Variants in PHC2 observed in about 807,000 individuals in gnomAD.
PHC2 encodes polyhomeotic-like protein 2.
A neutral mutation model predicts 87.4 loss-of-function variants in PHC2; 29 were observed. The ratio of observed to expected loss-of-function variants is 0.33; its 90% CI spans 0.25 to 0.45. The LOEUF is 0.45. Ranked by LOEUF, PHC2 falls within the 20% of genes least tolerant of loss-of-function variation. PHC2 has a pLI of 1.00. For missense variants in PHC2, 857 were observed against 1,136.7 expected (o/e 0.75, Z 3.54); for synonymous variants, 438 against 461.7 (o/e 0.95, Z 0.66).
intron 10 of PHC2, chr1:33,333,163 C>T (rs1570447216): frequency 6.6e-6 from 1 of 152,190 alleles, no homozygotes; most frequent in Non-Finnish European, 1.5e-5. Context: ...CTAAGGTGTT[C>T]CAGGCAGATT....
At chr1:33,326,738 G>A (rs959192663) in intron 14 of PHC2, among the ~76,000 whole-genome samples, 1 of 152,198 alleles carries the variant, frequency 6.6e-6, no homozygotes, top group Admixed American at 6.5e-5. Flanking sequence ...TGGATCGCCT[G>A]AGGTAAGGAG....
chr1:33,415,615 A>G (rs1650172800), intron 1 of PHC2, among the ~76,000 whole-genome samples: 1 of 152,260 alleles, frequency 6.6e-6, no homozygotes, highest in African/African-American at 2.4e-5. Context: ...TCCCCCATAA[A>G]AAATTACCAG....
At chr1:33,340,377 C>T (rs1478689482) in intron 9 of PHC2, among the ~76,000 whole-genome samples, 4 of 152,220 alleles carry the variant, frequency 2.6e-5, no homozygotes, top group Non-Finnish European at 5.9e-5. Flanking sequence ...GCCATGTGGC[C>T]AGGGTGGTCT....
intron 1 of PHC2, among the ~76,000 whole-genome samples, chr1:33,411,075 T>C (rs1444641158): frequency 2.0e-5 from 3 of 152,328 alleles, no homozygotes; most frequent in African/African-American, 7.2e-5. Context: ...TTTCGATAAT[T>C]ATATGTCTTA....
chr1:33,349,566 G>C lies in PHC2; in HGVS notation c.1558+4835C>G, dbSNP rs1238562177. 2.0e-6 allele frequency: 2 copies of C among 983,294 alleles called. No individual in the cohort carries two copies. Among genetic ancestry groups the C allele is most frequent in the Non-Finnish European group, 2.4e-6 (2 of 828,498 alleles). 60.9% of individuals were successfully genotyped at this position (983,294 alleles called of 1,614,324 possible). On this transcript the variant is annotated intron_variant, in intron 9 of 14. Coordinates refer to ENST00000683057, the MANE Select transcript of PHC2 (RefSeq NM_001385109.1). The surrounding 1 kb of genome is among the most constrained non-coding windows in gnomAD (Gnocchi z 4.2). ...AGCGCGGCCCCCGGCCTCCCTACTG[G>C]CGAGAACCCCTCCCCCGCCCCGGCA...
chr1:33,388,010 A>G (rs940938593), intron 1 of PHC2, among the ~76,000 whole-genome samples: 1 of 152,254 alleles, frequency 6.6e-6, no homozygotes, highest in Non-Finnish European at 1.5e-5. Context: ...TTATCTACAC[A>G]TAAGGTTGGT....
At position 33,375,504 on chromosome 1, in the gene PHC2, G is replaced by T; in HGVS notation, c.36C>A (p.Ser12Arg). ...TGGTACTGCTGGTGGCACAGGCACTGCTAGATGTATGTGGGACTGGCAGCT... is the reference window on the plus strand; with the variant it reads ...TGGTACTGCTGGTGGCACAGGCACTTCTAGATGTATGTGGGACTGGCAGCT... ...ENELPVPHTS[S>R]SACATSSTSG... The change falls in exon 2 of 15, where the codon AGC becomes AGA. Residue 12 changes from serine (S) to arginine (R), a missense_variant. Physicochemically the swap from Ser to Arg is moderately radical, Grantham distance 110 (BLOSUM62 -1). Around this residue, in one of 3 missense-constraint regions of PHC2, gnomAD observed 832 missense variants for 1,081.8 expected, o/e 0.77. Coordinates refer to ENST00000683057, the MANE Select transcript of PHC2 (RefSeq NM_001385109.1). The T allele has an allele frequency of 6.2e-7, 1 of 1,605,504 alleles. No individual in the cohort carries two copies. Among genetic ancestry groups the T allele is most frequent in the Non-Finnish European group, 8.5e-7 (1 of 1,175,770 alleles).
In PHC2 at chr1:33,355,272, G is replaced by A. The variant is rs200063016; in HGVS notation, c.977-19C>T. ...GCATAGGCTGAAAGGGGAAAGGCCA[G>A]GTTAGAGAGCATGGCTTGACCTTCT... On this transcript the variant is annotated intron_variant, in intron 7 of 14. Transcript: ENST00000683057. 2,903 of 1,537,742 alleles carry A rather than the reference G, an allele frequency of 1.9e-3. 6 individuals are homozygous for A. The highest frequency in any genetic ancestry group is 2.4e-3 in the Non-Finnish European group (2,711 of 1,140,408).
chr1:33,374,068 A>G (rs1570496393), intron 2 of PHC2, among the ~76,000 whole-genome samples: 1 of 152,016 alleles, frequency 6.6e-6, no homozygotes, highest in South Asian at 2.1e-4. Context: ...TTTTAACTCT[A>G]TTCTTTTTCT....
intron 7 of PHC2, among the ~76,000 whole-genome samples, chr1:33,365,440 T>C (rs966585048): frequency 3.9e-5 from 6 of 152,102 alleles, no homozygotes; most frequent in African/African-American, 1.4e-4. Context: ...CGGCCTGGGC[T>C]GGAAGGGGGT....
intron 1 of PHC2, among the ~76,000 whole-genome samples, chr1:33,413,876 C>T (rs1478982607): frequency 1.3e-5 from 2 of 152,140 alleles, no homozygotes; most frequent in Non-Finnish European, 2.9e-5. Context: ...TCCTGTGGCC[C>T]AGAGTACATG....
At position 33,354,946 on chromosome 1, in the gene PHC2, A is replaced by C. The variant is rs1647041843; in HGVS notation, c.1284T>G (p.Pro428=). The C allele has an allele frequency of 6.2e-7, 1 of 1,614,062 alleles. No individual in the cohort carries two copies. The highest frequency in any genetic ancestry group is 8.5e-7 in the Non-Finnish European group (1 of 1,180,052). ...GATGTCCATTCTGAGGCCCAGTATCAGGTGTGGGAGGGTGACACTGCTGAC... is the reference window on the plus strand; with the variant it reads ...GATGTCCATTCTGAGGCCCAGTATCCGGTGTGGGAGGGTGACACTGCTGAC... ...GGSQQCHPPT[P]DTGPQNGHPE... The change falls in exon 8 of 15, where the codon CCT becomes CCG. Residue 428 remains proline (P), a synonymous_variant. Coordinates refer to ENST00000683057, the MANE Select transcript of PHC2 (RefSeq NM_001385109.1).
chr1:33,350,187 C>A (rs1486462445), intron 9 of PHC2, among the ~76,000 whole-genome samples: 2 of 151,840 alleles, frequency 1.3e-5, no homozygotes, highest in African/African-American at 4.8e-5. Flanking sequence ...CCTGAGGGGC[C>A]TGGGGGTCAG....
intron 9 of PHC2, among the ~76,000 whole-genome samples, chr1:33,337,589 C>T (rs1045476911): frequency 6.6e-6 from 1 of 152,182 alleles, no homozygotes; most frequent in African/African-American, 2.4e-5. Context: ...TAGAGTGCTG[C>T]TGTGAGGACT....
intron 1 of PHC2, among the ~76,000 whole-genome samples, chr1:33,419,039 A>C (rs1315727090): frequency 6.6e-6 from 1 of 152,200 alleles, no homozygotes; most frequent in Non-Finnish European, 1.5e-5. Context: ...ACTTTGGCCA[A>C]GTTACCTAAC....
Position 33,349,610 on chromosome 1 carries a change from G to T in PHC2, c.1558+4791C>A, listed in dbSNP as rs1393575422. On this transcript the variant is annotated intron_variant, in intron 9 of 14. Transcript: ENST00000683057. This position sits in a 1 kb window ranked among gnomAD's most constrained non-coding sequence, Gnocchi z 4.2. ...CCCGGCACTGACCTGTCCAGGGCCC[G>T]GCTGGGCCTGGCCGGGCGGGGCCTA... 4 of 983,832 alleles carry T rather than the reference G, an allele frequency of 4.1e-6. No homozygotes were observed. Among genetic ancestry groups the T allele is most frequent in the Non-Finnish European group, 4.8e-6 (4 of 829,446 alleles). The allele number at this position is 983,832 out of a possible 1,614,324, so 60.9% of individuals were successfully genotyped here. A position where few individuals can be genotyped will look rare whatever the true frequency, so the allele number is the denominator to read the frequency against.
In PHC2 at chr1:33,334,423, G is replaced by C. The variant is rs1263397840; in HGVS notation, c.1559-131C>G. The C allele has an allele frequency of 2.7e-6, 2 of 732,552 alleles. No individual in the cohort carries two copies. The highest frequency in any genetic ancestry group is 3.6e-5 in the African/African-American group (2 of 55,908). The allele number at this position is 732,552 out of a possible 1,614,324, so 45.4% of individuals were successfully genotyped here. A position where few individuals can be genotyped will look rare whatever the true frequency, so the allele number is the denominator to read the frequency against. On this transcript the variant is annotated intron_variant, in intron 9 of 14. Transcript: ENST00000683057. This position sits in a 1 kb window ranked among gnomAD's most constrained non-coding sequence, Gnocchi z 5.5. ...GCCAAGCGACAATGCAAACCAAGCA[G>C]TCCCCTCCCCTCAGTGACCCATTTA...
intron 1 of PHC2, among the ~76,000 whole-genome samples, chr1:33,401,218 C>A (rs1028943423): frequency 6.6e-6 from 1 of 151,772 alleles, no homozygotes; most frequent in East Asian, 1.9e-4. Flanking sequence ...CCCAGCTACT[C>A]GGGAGGCTGA....
intron 1 of PHC2, among the ~76,000 whole-genome samples, chr1:33,428,860 C>T (rs771645919): frequency 2.6e-5 from 4 of 152,202 alleles, no homozygotes; most frequent in South Asian, 2.1e-4. Context: ...GCAGATCCAC[C>T]GCTGTTCTGC....
Sources: allele counts gnomAD v4.1 joint callset (sites outside exome capture counted in the v4.1 genomes callset), GRCh38; gene constraint gnomAD v4.1.1; regional missense constraint gnomAD v4.1.1; non-coding constraint Gnocchi (gnomAD v3.1); transcripts MANE v1.5; gene names NCBI Gene and HGNC (gene_info 2026-07-23, HGNC 2026-07-21).